Variants in PCDH11X observed in about 807,000 individuals in gnomAD.
The protein encoded by PCDH11X is protocadherin 11 X-linked, also known as protocadherin-11 X-linked.
A neutral mutation model predicts 53.3 loss-of-function variants in PCDH11X; 18 were observed. The observed-to-expected ratio is 0.34, with a 90% CI of 0.23 to 0.50. The LOEUF is 0.50. Ranked by LOEUF, PCDH11X falls within the 20% of genes least tolerant of loss-of-function variation. The pLI is 0.98. For synonymous variants in PCDH11X, 279 were observed against 393.3 expected (o/e 0.71, Z 3.44); for missense variants, 570 against 1,032.4 (o/e 0.55, Z 6.14).
chrX:92,367,121 G>A (rs1044113022), intron 8 of PCDH11X, among the ~76,000 whole-genome samples: 179 of 109,107 alleles, frequency 1.6e-3, no homozygotes, highest in African/African-American at 5.4e-3. Context: ...TTATTGTATC[G>A]GAGTCTAAGT....
intron 7 of PCDH11X, among the ~76,000 whole-genome samples, chrX:92,258,367 C>CTTT (rs199563708): frequency 4.5e-5 from 4 of 89,774 alleles, no homozygotes; most frequent in Non-Finnish European, 4.4e-5. Context: ...ATGCAAATTT[C>CTTT]TTTTTTTTTT....
At chrX:92,549,009 T>C in intron 10 of PCDH11X, among the ~76,000 whole-genome samples, 1 of 103,147 alleles carries the variant, frequency 9.7e-6, no homozygotes, top group Non-Finnish European at 2.0e-5. Context: ...TTCAACAGTT[T>C]AAAGCCTACA....
At chrX:92,023,764 CA>C (rs1376267348) in intron 6 of PCDH11X, among the ~76,000 whole-genome samples, 1 of 105,468 alleles carries the variant, frequency 9.5e-6, no homozygotes, top group Non-Finnish European at 1.9e-5. Context: ...CAAAGATCCT[CA>C]AAAAAATACT....
chrX:92,608,014 G>A (rs1050105707), intron 10 of PCDH11X, among the ~76,000 whole-genome samples: 2 of 110,689 alleles, frequency 1.8e-5, no homozygotes, highest in Non-Finnish European at 3.8e-5. Flanking sequence ...TATCTAATGG[G>A]GAGCTATTAG....
intron 6 of PCDH11X, among the ~76,000 whole-genome samples, chrX:91,897,652 TATTTA>T (rs1298922641): frequency 9.9e-6 from 1 of 101,195 alleles, no homozygotes; most frequent in Non-Finnish European, 2.0e-5. Context: ...CTAATTTAAC[TATTTA>T]ATTCATATGT....
intron 6 of PCDH11X, among the ~76,000 whole-genome samples, chrX:91,927,344 C>A (rs1162879768): frequency 1.8e-5 from 2 of 109,447 alleles, no homozygotes; most frequent in African/African-American, 6.6e-5. Context: ...TGGGTTAACT[C>A]ATTTAATTCT....
intron 10 of PCDH11X, among the ~76,000 whole-genome samples, chrX:92,528,417 C>T (rs1273791947): frequency 9.0e-5 from 10 of 111,661 alleles, no homozygotes; most frequent in African/African-American, 2.6e-4. Context: ...CTCAGCCTCC[C>T]GAGTAGCTGG....
At chrX:92,341,248 A>G (rs1603279146) in intron 8 of PCDH11X, among the ~76,000 whole-genome samples, 1 of 111,539 alleles carries the variant, frequency 9.0e-6, no homozygotes. Context: ...CTATTTAACC[A>G]GTCTCTAAGA....
At chrX:92,550,203 C>A (rs1201159470) in intron 10 of PCDH11X, among the ~76,000 whole-genome samples, 1 of 110,033 alleles carries the variant, frequency 9.1e-6, no homozygotes, top group Non-Finnish European at 1.9e-5. Flanking sequence ...GGTATTAATC[C>A]TTTGTGCCTG....
intron 6 of PCDH11X, among the ~76,000 whole-genome samples, chrX:92,136,325 G>A (rs749199959): frequency 7.7e-4 from 85 of 110,433 alleles, no homozygotes; most frequent in African/African-American, 2.6e-3. Flanking sequence ...CAGAATCTCT[G>A]GAGCCCGAGG....
intron 6 of PCDH11X, among the ~76,000 whole-genome samples, chrX:92,132,172 C>A (rs1485847902): frequency 4.1e-5 from 4 of 98,493 alleles, no homozygotes; most frequent in African/African-American, 7.5e-5. Context: ...GTAATCCCAG[C>A]TACTCGGGAG....
At chrX:92,564,241 G>A (rs1309890352) in intron 10 of PCDH11X, among the ~76,000 whole-genome samples, 119 of 107,994 alleles carry the variant, frequency 1.1e-3, no homozygotes, top group Non-Finnish European at 1.9e-3. Flanking sequence ...TATCAGTCAC[G>A]CTTTTTCACA....
chrX:91,912,733 T>A (rs57105057), intron 6 of PCDH11X, among the ~76,000 whole-genome samples: 8,241 of 107,205 alleles, frequency 0.077, 311 homozygotes, highest in African/African-American at 0.13. Flanking sequence ...GACAGAAGAG[T>A]GTGTGGGGAC....
At chrX:92,017,535 T>TAAA (rs200044178) in intron 6 of PCDH11X, among the ~76,000 whole-genome samples, 1 of 94,563 alleles carries the variant, frequency 1.1e-5, no homozygotes, top group African/African-American at 3.9e-5. Context: ...CTTGTCTCTA[T>TAAA]AAAAAAAAAA....
intron 10 of PCDH11X, among the ~76,000 whole-genome samples, chrX:92,503,911 G>A (rs1272607206): frequency 9.5e-6 from 1 of 105,633 alleles, no homozygotes; most frequent in African/African-American, 3.4e-5. Context: ...TGACCATGAG[G>A]TGGGATGAGG....
chrX:92,315,200 G>A (rs1426981447), intron 8 of PCDH11X, among the ~76,000 whole-genome samples: 5 of 111,707 alleles, frequency 4.5e-5, no homozygotes, highest in Non-Finnish European at 7.5e-5. Context: ...TGTAATATTA[G>A]CCACATACTC....
At chrX:91,879,557 A>G (rs896385438) in intron 6 of PCDH11X, 34 of 1,062,777 alleles carry the variant, frequency 3.2e-5, no homozygotes, top group African/African-American at 5.8e-5. Context: ...ATTGAAAAAA[A>G]CTTCAACACA....
At chrX:91,804,629 G>C (rs1472687097) in intron 1 of PCDH11X, among the ~76,000 whole-genome samples, 19 of 109,518 alleles carry the variant, frequency 1.7e-4, no homozygotes, top group Non-Finnish European at 3.6e-4. Context: ...GGTCAGAGAG[G>C]GTATAGTTCA....
chrX:92,279,038 C>T (rs1391479922), intron 8 of PCDH11X, among the ~76,000 whole-genome samples: 3 of 110,553 alleles, frequency 2.7e-5, no homozygotes, highest in Admixed American at 9.6e-5. Flanking sequence ...CTCGAACTCC[C>T]GACCTCAGGT....
Sources: allele counts gnomAD v4.1 joint callset (sites outside exome capture counted in the v4.1 genomes callset), GRCh38; gene constraint gnomAD v4.1.1; transcripts MANE v1.5; gene names NCBI Gene and HGNC (gene_info 2026-07-23, HGNC 2026-07-21).